CFAP57: variants seen among roughly 807,000 people sequenced by gnomAD.
The protein encoded by CFAP57 is cilia- and flagella-associated protein 57.
In CFAP57, 116 loss-of-function variants were observed where a neutral mutation model predicts 146.8. That is an observed-to-expected ratio of 0.79 (90% confidence interval 0.68 to 0.92). CFAP57 has a LOEUF of 0.92. CFAP57 is among the 40% of genes least tolerant of loss of function. The pLI, the probability that CFAP57 is intolerant of heterozygous loss-of-function variation, is 0.00. For missense variants in CFAP57, 1,377 were observed against 1,527.2 expected, an observed-to-expected ratio of 0.90 and a Z score of 1.64; for synonymous variants, 518 against 552.8, an observed-to-expected ratio of 0.94 and a Z score of 0.88.
Position 43,239,470 on chromosome 1 carries a change from G to A in CFAP57, c.3406-3757G>A, listed in dbSNP as rs189496321. 2.6e-3 allele frequency among the ~76,000 whole-genome samples: 397 copies of A among 152,228 alleles called. 2 individuals are homozygous for A. The highest frequency in any genetic ancestry group is 0.014 in the South Asian group (67 of 4,818). On this transcript the variant is annotated intron_variant, in intron 21 of 22. Coordinates refer to ENST00000372492, the MANE Select transcript of CFAP57 (RefSeq NM_001378189.1). ...TAGAGGGTGGAGGGGGTGGGGAGAA[G>A]CCAGGGCAGGGCTCCACTTGCCGGG...
At chr1:43,188,383 G>A (rs9804095) in intron 6 of CFAP57, among the ~76,000 whole-genome samples, 27,396 of 151,908 alleles carry the variant, frequency 0.18, 3,576 homozygotes, top group African/African-American at 0.35. Context: ...TTGCTGGACC[G>A]TTTTATATTC....
intron 16 of CFAP57, 81 bp downstream of exon 16, chr1:43,223,078 G>A: frequency 7.0e-7 from 1 of 1,431,180 alleles, no homozygotes; most frequent in Non-Finnish European, 9.3e-7. Flanking sequence ...GACCGGCCTG[G>A]GGGTGCTGGC....
At chr1:43,183,428 T>C (rs1645500032) in intron 3 of CFAP57, among the ~76,000 whole-genome samples, 163 bp from the exon 4 acceptor site, 1 of 152,244 alleles carries the variant, frequency 6.6e-6, no homozygotes, top group South Asian at 2.1e-4. Flanking sequence ...TAATGGATTA[T>C]AGATGTGTGC....
rs1643733908 is a variant in CFAP57 at position 43,194,395 on chromosome 1, TA to T, written c.1123-3157del. Among the ~76,000 whole-genome samples the T allele has an allele frequency of 2.6e-5, 4 of 152,204 alleles. 1 individual carries two copies. In the South Asian group the frequency reaches 8.3e-4, roughly 31 times the overall value. ...TTTTCTTCTCATCTTTAGCTTTCAT[TA>T]TTTTTGCCAAAATGTGTCTGTTTGT... On this transcript the variant is annotated intron_variant, in intron 6 of 22. Coordinates refer to ENST00000372492, the MANE Select transcript of CFAP57 (RefSeq NM_001378189.1).
intron 2 of CFAP57, among the ~76,000 whole-genome samples, 180 bp downstream of exon 2, chr1:43,173,090 A>G (rs1054105983): frequency 5.3e-5 from 8 of 152,248 alleles, no homozygotes; most frequent in African/African-American, 1.9e-4. Flanking sequence ...AGTCACGCAT[A>G]TGTAGTTAAA....
intron 13 of CFAP57, among the ~76,000 whole-genome samples, chr1:43,220,670 G>T (rs375205524): frequency 6.6e-6 from 1 of 152,100 alleles, no homozygotes; most frequent in Non-Finnish European, 1.5e-5. Context: ...ACTGTAGTGA[G>T]TCATGATCTC....
chr1:43,222,408 A>G, intron 15 of CFAP57, 113 bp downstream of exon 15: 1 of 959,406 alleles, frequency 1.0e-6, no homozygotes. Context: ...ACTGGGTCAG[A>G]CATGGTTTCT....
intron 22 of CFAP57, among the ~76,000 whole-genome samples, chr1:43,250,967 A>G (rs1646310422): frequency 6.6e-6 from 1 of 152,216 alleles, no homozygotes; most frequent in Non-Finnish European, 1.5e-5. Flanking sequence ...TACAGATGTC[A>G]AATTTCAAAG....
chr1:43,206,132 T>A (rs1644346464), intron 9 of CFAP57, among the ~76,000 whole-genome samples: 1 of 152,078 alleles, frequency 6.6e-6, no homozygotes, highest in Admixed American at 6.6e-5. Context: ...AGCTTATTAT[T>A]TTTATTTTTA....
chr1:43,210,157 T>C (rs936891574), intron 11 of CFAP57: 1 of 1,581,888 alleles, frequency 6.3e-7, no homozygotes, highest in Non-Finnish European at 8.6e-7. Context: ...GTTTTCACCA[T>C]AATATTATGC....
chr1:43,210,487 C>G, intron 11 of CFAP57: 1 of 923,078 alleles, frequency 1.1e-6, no homozygotes, highest in Non-Finnish European at 1.3e-6. Context: ...GAACAATACC[C>G]TGCCTAAAAA....
intron 22 of CFAP57, among the ~76,000 whole-genome samples, chr1:43,251,267 G>A (rs1001893292): frequency 6.6e-6 from 1 of 152,260 alleles, no homozygotes; most frequent in African/African-American, 2.4e-5. Context: ...ATCAGGTGCT[G>A]CAGCCAAGGA....
intron 4 of CFAP57, among the ~76,000 whole-genome samples, chr1:43,184,125 T>C (rs1002452522): frequency 2.0e-5 from 3 of 152,254 alleles, no homozygotes; most frequent in African/African-American, 7.2e-5. Context: ...GTATTACTGG[T>C]CTTCAAAACT....
At chr1:43,249,474 G>C (rs948460032) in intron 22 of CFAP57, among the ~76,000 whole-genome samples, 1 of 116,310 alleles carries the variant, frequency 8.6e-6, no homozygotes, top group Non-Finnish European at 1.6e-5. Flanking sequence ...GTGTCACCCA[G>C]GCTGGAGTGC....
At chr1:43,173,175 T>C (rs1326743002) in intron 2 of CFAP57, among the ~76,000 whole-genome samples, 1 of 152,234 alleles carries the variant, frequency 6.6e-6, no homozygotes, top group African/African-American at 2.4e-5. Flanking sequence ...AACCCCTCTT[T>C]TGGTGTCTTC....
chr1:43,218,633 A>G (rs1644928339), intron 12 of CFAP57, among the ~76,000 whole-genome samples: 1 of 152,080 alleles, frequency 6.6e-6, no homozygotes, highest in South Asian at 2.1e-4. Context: ...AAAAGGAAGA[A>G]TAAGAAGATA....
At chr1:43,253,617 C>T (rs1646373719) in intron 22 of CFAP57, among the ~76,000 whole-genome samples, 1 of 152,010 alleles carries the variant, frequency 6.6e-6, no homozygotes, top group Non-Finnish European at 1.5e-5. Flanking sequence ...GAAAGACTGG[C>T]AGTTCAGAAG....
At chr1:43,229,363 A>G (rs1645381277) in intron 18 of CFAP57, among the ~76,000 whole-genome samples, 1 of 148,384 alleles carries the variant, frequency 6.7e-6, no homozygotes, top group Admixed American at 6.6e-5. Context: ...TTCCAGCAGG[A>G]TCCCTCCTAC....
chr1:43,198,785 A>G, intron 8 of CFAP57, 139 bp downstream of exon 8: 3 of 856,222 alleles, frequency 3.5e-6, no homozygotes, highest in Admixed American at 2.1e-5. Flanking sequence ...AGGGGGAAGG[A>G]GGAAATCCAG....
Sources: gnomAD v4.1 joint callset for allele counts (sites outside exome capture counted in the v4.1 genomes callset) on GRCh38, gnomAD v4.1.1 for gene constraint, MANE v1.5 for transcripts, NCBI Gene and HGNC (gene_info 2026-07-23, HGNC 2026-07-21) for gene names.